WNT7A: variants seen among roughly 807,000 people sequenced by gnomAD.
The protein encoded by WNT7A is protein Wnt-7a.
In WNT7A, 16 loss-of-function variants were observed where a neutral mutation model predicts 28.2. That is an observed-to-expected ratio of 0.57 (90% CI 0.38 to 0.86). WNT7A has a LOEUF of 0.86. WNT7A is among the 40% of genes least tolerant of loss of function. The pLI is 0.00. For synonymous variants in WNT7A, 190 were observed against 195.9 expected (o/e 0.97, Z 0.25); for missense variants, 411 against 489.7 (o/e 0.84, Z 1.52).
intron 2 of WNT7A, among the ~76,000 whole-genome samples, chr3:13,874,324 T>C (rs986656071): frequency 5.9e-5 from 9 of 152,226 alleles, no homozygotes; most frequent in Admixed American, 5.2e-4. Context: ...AGACTTTTGT[T>C]ATAGTTGCTT....
chr3:13,820,305 G>A (rs1015901347), intron 3 of WNT7A, among the ~76,000 whole-genome samples: 4 of 152,078 alleles, frequency 2.6e-5, no homozygotes, highest in African/African-American at 9.7e-5. Flanking sequence ...GGGTAAGTGA[G>A]TGGACATTTA....
chr3:13,863,080 A>C lies in WNT7A; in HGVS notation c.299-8277T>G, dbSNP rs550268558. Among the ~76,000 whole-genome samples, 393 of 152,306 alleles carry C rather than the reference A, an allele frequency of 2.6e-3. 2 individuals carry two copies. The highest frequency in any genetic ancestry group is 2.1e-3 in the Non-Finnish European group (144 of 68,030). On this transcript the variant is annotated intron_variant, in intron 2 of 3. Transcript: ENST00000285018. ...TGGGAATACAAAATGTCTACCTCCC[A>C]GGGTTGTTGGGAGGATTAAATAAGC...
chr3:13,856,257 G>A (rs998456177), intron 2 of WNT7A, among the ~76,000 whole-genome samples: 1 of 152,220 alleles, frequency 6.6e-6, no homozygotes, highest in African/African-American at 2.4e-5. Context: ...CTGGGACTTG[G>A]GCGAGCTCCT....
intron 1 of WNT7A, among the ~76,000 whole-genome samples, chr3:13,876,133 C>A (rs1237169453): frequency 3.3e-5 from 5 of 152,158 alleles, no homozygotes; most frequent in African/African-American, 1.2e-4. Context: ...GAGGAGTTGA[C>A]ATTAGAACAG....
intron 3 of WNT7A, among the ~76,000 whole-genome samples, chr3:13,828,434 A>G (rs1394204163): frequency 6.6e-6 from 1 of 152,228 alleles, no homozygotes; most frequent in Non-Finnish European, 1.5e-5. Context: ...CCAGGAACTA[A>G]TGAATACCCT....
At chr3:13,867,747 T>C (rs1694933940) in intron 2 of WNT7A, among the ~76,000 whole-genome samples, 3 of 152,104 alleles carry the variant, frequency 2.0e-5, no homozygotes, top group Admixed American at 6.5e-5. Context: ...CCAAACCCAA[T>C]GGGAGAACCC....
At chr3:13,870,550 TG>T (rs1695013501) in intron 2 of WNT7A, among the ~76,000 whole-genome samples, 1 of 152,226 alleles carries the variant, frequency 6.6e-6, no homozygotes, top group African/African-American at 2.4e-5. Flanking sequence ...AGAGATGGTC[TG>T]GGTGGGGCTA....
At position 13,879,610 on chromosome 3, in the gene WNT7A, C is replaced by T. The variant is rs1292046974; in HGVS notation, c.71+136G>A. On this transcript the variant is annotated intron_variant, in intron 1 of 3. Transcript: ENST00000285018. ...GGGGGGCCTTTGTGCGTCCACCGCTCCCACACCGCACCCACCCGGCCTCTC... is the reference window on the plus strand; with the variant it reads ...GGGGGGCCTTTGTGCGTCCACCGCTTCCACACCGCACCCACCCGGCCTCTC... 3 of 972,616 alleles carry T rather than the reference C, an allele frequency of 3.1e-6. No individual in the cohort carries two copies. The African/African-American group carries it at 4.9e-5, about 16-fold the overall frequency. The allele number at this position is 972,616 out of a possible 1,614,324, so 60.2% of individuals were successfully genotyped here.
At chr3:13,850,163 G>T (rs1258453695) in intron 3 of WNT7A, among the ~76,000 whole-genome samples, 1 of 152,162 alleles carries the variant, frequency 6.6e-6, no homozygotes, top group Non-Finnish European at 1.5e-5. Flanking sequence ...GGAATGGAGG[G>T]CACGGCAGAC....
At chr3:13,842,720 A>C (rs1694482933) in intron 3 of WNT7A, among the ~76,000 whole-genome samples, 1 of 152,220 alleles carries the variant, frequency 6.6e-6, no homozygotes, top group Non-Finnish European at 1.5e-5. Flanking sequence ...GGATGGAGAC[A>C]AAGGCACCAG....
intron 3 of WNT7A, among the ~76,000 whole-genome samples, chr3:13,829,684 C>T (rs970409758): frequency 1.3e-5 from 2 of 151,884 alleles, no homozygotes; most frequent in African/African-American, 2.4e-5. Flanking sequence ...AGGGGGATCT[C>T]GGAGAGAAAA....
At chr3:13,857,601 G>C (rs1012074046) in intron 2 of WNT7A, among the ~76,000 whole-genome samples, 1 of 152,074 alleles carries the variant, frequency 6.6e-6, no homozygotes, top group African/African-American at 2.4e-5. Flanking sequence ...GGGCTCCAAG[G>C]CAAGTGGGAA....
intron 3 of WNT7A, among the ~76,000 whole-genome samples, chr3:13,837,452 AAC>A (rs1365752965): frequency 2.6e-5 from 4 of 151,852 alleles, no homozygotes; most frequent in South Asian, 4.2e-4. Flanking sequence ...CAGCTCCAGA[AAC>A]ACAGAGCCCC....
chr3:13,836,218 A>AAAG (rs1321263634), intron 3 of WNT7A, among the ~76,000 whole-genome samples: 1 of 151,772 alleles, frequency 6.6e-6, no homozygotes, highest in Non-Finnish European at 1.5e-5. Flanking sequence ...AAAAAAAAAA[A>AAAG]AAGACAAGAG....
chr3:13,826,019 C>G (rs1200399719), intron 3 of WNT7A, among the ~76,000 whole-genome samples: 2 of 152,222 alleles, frequency 1.3e-5, no homozygotes, highest in Non-Finnish European at 2.9e-5. Flanking sequence ...GCGGTGCTGC[C>G]CGGTGTTTGC....
chr3:13,829,824 G>A (rs1435863527), intron 3 of WNT7A, among the ~76,000 whole-genome samples: 1 of 152,148 alleles, frequency 6.6e-6, no homozygotes, highest in East Asian at 1.9e-4. Context: ...GCAGAGATGA[G>A]AGGAAGTGAC....
At chr3:13,831,734 C>T (rs1694281909) in intron 3 of WNT7A, among the ~76,000 whole-genome samples, 1 of 152,132 alleles carries the variant, frequency 6.6e-6, no homozygotes, top group Non-Finnish European at 1.5e-5. Flanking sequence ...GGTACAAAGG[C>T]CCATCTCCCT....
chr3:13,857,237 C>T (rs1426444984), intron 2 of WNT7A, among the ~76,000 whole-genome samples: 1 of 152,214 alleles, frequency 6.6e-6, no homozygotes, highest in African/African-American at 2.4e-5. Flanking sequence ...ACAGAACTGC[C>T]AGCAAGATAG....
At chr3:13,868,692 GAA>G (rs1299073234) in intron 2 of WNT7A, among the ~76,000 whole-genome samples, 6 of 20,100 alleles carry the variant, frequency 3.0e-4, no homozygotes, top group African/African-American at 1.5e-3. Context: ...GAGAGAGAGA[GAA>G]AGAAAGAAAG....
Sources: allele counts gnomAD v4.1 joint callset (sites outside exome capture counted in the v4.1 genomes callset), GRCh38; gene constraint gnomAD v4.1.1; transcripts MANE v1.5; gene names NCBI Gene and HGNC (gene_info 2026-07-23, HGNC 2026-07-21).